The following AVIL variants were observed in gnomAD, a reference collection of about 807,000 sequenced individuals.
AVIL encodes the protein advillin.
In AVIL, 78 loss-of-function variants were observed where a neutral mutation model predicts 109.9. The observed-to-expected ratio is 0.71, with a 90% CI of 0.59 to 0.86. The LOEUF is 0.86. Ranked by LOEUF, AVIL falls within the 40% of genes least tolerant of loss-of-function variation. AVIL has a pLI of 0.00. For synonymous variants in AVIL, 367 were observed against 379.1 expected, an observed-to-expected ratio of 0.97 and a Z score of 0.37; for missense variants, 892 against 1,016.5, an observed-to-expected ratio of 0.88 and a Z score of 1.67.
intron 9 of AVIL, chr12:57,809,164 A>AT (rs941397181): frequency 9.3e-5 from 16 of 171,272 alleles, no homozygotes; most frequent in East Asian, 1.6e-4. Context: ...TGCCTGGATA[A>AT]TTTTTTTTGT....
At chr12:57,803,749 TAAC>T in intron 14 of AVIL, 80 bp from the exon 15 acceptor site, 1 of 1,535,780 alleles carries the variant, frequency 6.5e-7, no homozygotes, top group Non-Finnish European at 8.8e-7. Context: ...CTGAGACTAA[TAAC>T]TCAGTGTGCC....
rs777737597 is a variant in AVIL at position 57,803,230 on chromosome 12, C to G, written c.1962+17G>C. 1.1e-5 allele frequency: 18 copies of G among 1,613,790 alleles called. No individual in the cohort carries two copies. The highest frequency in any genetic ancestry group is 3.3e-5 in the South Asian group (3 of 91,066). Reference sequence around the variant, plus strand: ...GGGAGTCTTTCTCATGTTCTGACTTCTGCAGCTGTGTCTTACCTGGTCCCA... The same window carrying G: ...GGGAGTCTTTCTCATGTTCTGACTTGTGCAGCTGTGTCTTACCTGGTCCCA... On this transcript the variant is annotated intron_variant, in intron 16 of 19. Coordinates refer to ENST00000549994, the MANE Select transcript of AVIL (RefSeq NM_006576.4).
chr12:57,806,258 C>G (rs1361475333), intron 14 of AVIL, 102 bp downstream of exon 14: 1 of 1,312,590 alleles, frequency 7.6e-7, no homozygotes, highest in East Asian at 2.4e-5. Context: ...CCAAAGCAAG[C>G]ACTCCAGCCT....
Position 57,813,314 on chromosome 12 carries a change from TC to T in AVIL, c.250del (p.Asp84ThrfsTer40). The T allele has an allele frequency of 6.2e-7, 1 of 1,614,112 alleles. No individual in the cohort carries two copies. Among genetic ancestry groups the T allele is most frequent in the Non-Finnish European group, 8.5e-7 (1 of 1,180,024 alleles). ...CAAIYTTQLD[D>X]YLGGSPVQHR... ...CTGCACAGGGCTGCCTCCCAGGTAG[TC>T]GTCCAGCTGTGTGGTATATATGGCT... On this transcript the variant is annotated frameshift_variant, in exon 4 of 20. Transcript: ENST00000549994. LOFTEE classifies it high-confidence loss of function.
At chr12:57,805,594 C>T (rs1185274706) in intron 14 of AVIL, among the ~76,000 whole-genome samples, 1 of 147,504 alleles carries the variant, frequency 6.8e-6, no homozygotes, top group Non-Finnish European at 1.5e-5. Context: ...AGTGCCATGG[C>T]GCGATCTCGG....
At chr12:57,815,754 G>C in intron 2 of AVIL, 1 of 1,441,928 alleles carries the variant, frequency 6.9e-7, no homozygotes, top group Non-Finnish European at 9.1e-7. Flanking sequence ...TTTGTCTGGA[G>C]CCCTGTTCTT....
chr12:57,810,274 A>G, intron 7 of AVIL, 75 bp downstream of exon 7: 8 of 1,498,886 alleles, frequency 5.3e-6, no homozygotes, highest in Non-Finnish European at 6.4e-6. Flanking sequence ...GGAGCCAAGC[A>G]GAGGTGGCTG....
Position 57,803,236 on chromosome 12 carries a change from C to A in AVIL, c.1962+11G>T, listed in dbSNP as rs770947286. On this transcript the variant is annotated intron_variant, in intron 16 of 19. Coordinates refer to ENST00000549994, the MANE Select transcript of AVIL (RefSeq NM_006576.4). ...CTTTCTCATGTTCTGACTTCTGCAG[C>A]TGTGTCTTACCTGGTCCCAGGTATC... is the stretch of plus-strand genomic sequence containing the variant. 1 of 1,613,880 alleles carries A rather than the reference C, an allele frequency of 6.2e-7. No homozygotes were observed. Among genetic ancestry groups the A allele is most frequent in the Non-Finnish European group, 8.5e-7 (1 of 1,179,892 alleles).
Position 57,802,149 on chromosome 12 carries a change from T to C in AVIL, c.2151+11A>G, listed in dbSNP as rs1429221441. ...GCAGGAAGTTAGAGCTTCCCTACTC[T>C]CTTTTCTTACACTCCAAATGTTAGG... On this transcript the variant is annotated intron_variant, in intron 17 of 19. Transcript: ENST00000549994. The C allele has an allele frequency of 1.2e-6, 2 of 1,613,378 alleles. No homozygotes were observed. The highest frequency in any genetic ancestry group is 1.3e-5 in the African/African-American group (1 of 74,928).
chr12:57,802,408 T>A (rs1241717137), intron 16 of AVIL, 60 bp from the exon 17 acceptor site: 1 of 1,513,338 alleles, frequency 6.6e-7, no homozygotes, highest in Non-Finnish European at 9.0e-7. Flanking sequence ...AAGTACTAGA[T>A]CATACACATT....
At chr12:57,814,053 C>G (rs1956071267) in intron 3 of AVIL, 99 bp downstream of exon 3, 1 of 1,283,418 alleles carries the variant, frequency 7.8e-7, no homozygotes, top group Non-Finnish European at 1.1e-6. Flanking sequence ...AGACCGATAC[C>G]AGGGACTGAC....
chr12:57,808,427 C>G lies in AVIL; in HGVS notation c.1061G>C (p.Gly354Ala). The stretch of plus-strand genomic sequence containing the variant: ...ACCAATGCTGAACGTTTTCCCCAGG[C>G]CCATGGTCTGGTCCTTTACTGACCA... The part of the protein sequence containing the change: ...QKWSVKDQTM[G>A]LGKTFSIGKI... Residue 354 changes from glycine (G) to alanine (A), a missense_variant, in exon 10 of 20, where the codon GGC becomes GCC. Coordinates refer to ENST00000549994, the MANE Select transcript of AVIL (RefSeq NM_006576.4). 2.5e-6 allele frequency: 4 copies of G among 1,614,200 alleles called. No individual in the cohort carries two copies. The highest frequency in any genetic ancestry group is 1.3e-5 in the African/African-American group (1 of 75,052).
Position 57,811,009 on chromosome 12 carries a change from C to T in AVIL, c.447+10G>A, listed in dbSNP as rs1283450542. 6.2e-7 allele frequency: 1 copy of T among 1,614,150 alleles called. No individual in the cohort carries two copies. The highest frequency in any genetic ancestry group is 2.2e-5 in the East Asian group (1 of 44,890). On this transcript the variant is annotated intron_variant, in intron 5 of 19. Transcript: ENST00000549994. ...CCCCGGGCCTGGGGCAGAGAGTGTG[C>T]AGGACTAACCTCGGTAGCCCTGATG...
intron 1 of AVIL, 181 bp from the exon 2 acceptor site, chr12:57,816,240 C>T (rs1956099992): frequency 7.2e-6 from 4 of 555,932 alleles, no homozygotes; most frequent in Non-Finnish European, 1.3e-5. Context: ...CATGGTGAGC[C>T]TGGCTGGCCT....
chr12:57,798,202 A>G (rs111416815), intron 19 of AVIL, among the ~76,000 whole-genome samples: 1 of 152,246 alleles, frequency 6.6e-6, no homozygotes, highest in African/African-American at 2.4e-5. Context: ...CCTGTGGCAG[A>G]AGCTTACTGG....
chr12:57,814,351 C>G, intron 2 of AVIL, 125 bp from the exon 3 acceptor site: 1 of 962,934 alleles, frequency 1.0e-6, no homozygotes, highest in Admixed American at 2.3e-5. Context: ...TCTCAATGAC[C>G]TTACAGGATG....
At chr12:57,801,913 AT>A (rs1256802725) in intron 17 of AVIL, among the ~76,000 whole-genome samples, 1 of 152,218 alleles carries the variant, frequency 6.6e-6, no homozygotes, top group Non-Finnish European at 1.5e-5. Context: ...ATGTGTATGG[AT>A]ATACTTTATA....
At chr12:57,816,112 T>A in intron 1 of AVIL, 53 bp from the exon 2 acceptor site, 1 of 1,478,020 alleles carries the variant, frequency 6.8e-7, no homozygotes, top group South Asian at 1.3e-5. Context: ...ATAGTGGGCA[T>A]CAATCCAGTT....
At position 57,797,730 on chromosome 12, in the gene AVIL, A is replaced by C; in HGVS notation, c.*152T>G. 1 of 745,158 alleles carries C rather than the reference A, an allele frequency of 1.3e-6. No individual in the cohort carries two copies. The highest frequency in any genetic ancestry group is 1.9e-6 in the Non-Finnish European group (1 of 535,266). The allele number at this position is 745,158 out of a possible 1,614,324, so 46.2% of individuals were successfully genotyped here. A position where few individuals can be genotyped will look rare whatever the true frequency, so the allele number is the denominator to read the frequency against. On this transcript the variant is annotated 3_prime_UTR_variant, in exon 20 of 20. Coordinates refer to ENST00000549994, the MANE Select transcript of AVIL (RefSeq NM_006576.4). ...AACAAGCAAGGAATGCAAGGATGAG[A>C]AAAAATGGAGAACATGCCGTGATTT... is the stretch of plus-strand genomic sequence containing the variant.
Sources: gnomAD v4.1 joint callset for allele counts (sites outside exome capture counted in the v4.1 genomes callset) on GRCh38, gnomAD v4.1.1 for gene constraint, MANE v1.5 for transcripts, NCBI Gene and HGNC (gene_info 2026-07-23, HGNC 2026-07-21) for gene names.